PCDH7: variants seen among roughly 807,000 people sequenced by gnomAD.
The protein encoded by PCDH7 is protocadherin-7.
A neutral mutation model predicts 58.9 loss-of-function variants in PCDH7; 17 were observed. The ratio of observed to expected loss-of-function variants is 0.29; its 90% CI spans 0.20 to 0.43. The LOEUF (loss-of-function observed/expected upper bound fraction) is 0.43, where lower values mean the gene tolerates loss of function less well. PCDH7 is among the 20% of genes least tolerant of loss of function. The pLI is 1.00. For synonymous variants in PCDH7, 664 were observed against 616.4 expected (o/e 1.08, Z -1.14); for missense variants, 1,274 against 1,441.0 (o/e 0.88, Z 1.88).
At chr4:30,851,904 C>T (rs1457127212) in intron 1 of PCDH7, among the ~76,000 whole-genome samples, 2 of 152,026 alleles carry the variant, frequency 1.3e-5, no homozygotes, top group Non-Finnish European at 2.9e-5. Context: ...TGCACATATA[C>T]ACACAAAATC....
At chr4:31,116,315 A>C (rs943157493) in intron 3 of PCDH7, among the ~76,000 whole-genome samples, 1 of 152,248 alleles carries the variant, frequency 6.6e-6, no homozygotes, top group African/African-American at 2.4e-5. Context: ...AAAAGGGTCC[A>C]TAAATGCTGT....
intron 1 of PCDH7, among the ~76,000 whole-genome samples, chr4:30,814,087 T>G (rs1437016627): frequency 6.6e-6 from 1 of 152,152 alleles, no homozygotes; most frequent in East Asian, 1.9e-4. Flanking sequence ...ATATCATAAT[T>G]TATTACCTGT....
chr4:31,039,583 G>C (rs1309640452), intron 3 of PCDH7, among the ~76,000 whole-genome samples: 1 of 152,194 alleles, frequency 6.6e-6, no homozygotes, highest in South Asian at 2.1e-4. Flanking sequence ...TAGTCTTGCT[G>C]CCTCTTCTCT....
chr4:30,973,768 A>G (rs918818701), intron 3 of PCDH7, among the ~76,000 whole-genome samples: 2 of 151,954 alleles, frequency 1.3e-5, no homozygotes, highest in African/African-American at 4.8e-5. Flanking sequence ...GAGAGTGAAA[A>G]TTGTATTAGT....
chr4:30,911,010 G>A (rs1007458607), intron 1 of PCDH7, among the ~76,000 whole-genome samples: 3 of 152,096 alleles, frequency 2.0e-5, no homozygotes, highest in African/African-American at 7.2e-5. Flanking sequence ...TGTTTGCATG[G>A]ACATGGATGA....
At chr4:31,146,757 C>A (rs948989797), downstream of PCDH7, 2 of 152,086 alleles carry the variant, frequency 1.3e-5, no homozygotes, top group African/African-American at 2.4e-5. Context: ...AATTGCTTGT[C>A]ATTTTTGTCT....
chr4:30,955,543 T>C (rs1349342042), intron 3 of PCDH7, among the ~76,000 whole-genome samples: 1 of 151,804 alleles, frequency 6.6e-6, no homozygotes, highest in Non-Finnish European at 1.5e-5. Flanking sequence ...TTTATTTCAT[T>C]TTATTTTATT....
intron 1 of PCDH7, among the ~76,000 whole-genome samples, chr4:30,878,575 C>T (rs1736574089): frequency 6.6e-6 from 1 of 152,062 alleles, no homozygotes; most frequent in South Asian, 2.1e-4. Context: ...TTGGATCACT[C>T]ACCCCCAGTC....
At chr4:30,749,781 G>A (rs1445443513) in intron 1 of PCDH7, among the ~76,000 whole-genome samples, 3 of 152,070 alleles carry the variant, frequency 2.0e-5, no homozygotes, top group Non-Finnish European at 2.9e-5. Flanking sequence ...AGGAAGTTTA[G>A]TTTAATAATG....
chr4:31,043,158 T>C (rs1756019150), intron 3 of PCDH7, among the ~76,000 whole-genome samples: 1 of 152,132 alleles, frequency 6.6e-6, no homozygotes, highest in Non-Finnish European at 1.5e-5. Flanking sequence ...ACTGTTACCC[T>C]AGGGATTAAG....
At chr4:30,852,123 A>G (rs1732837696) in intron 1 of PCDH7, among the ~76,000 whole-genome samples, 1 of 152,124 alleles carries the variant, frequency 6.6e-6, no homozygotes, top group Admixed American at 6.6e-5. Context: ...GAAGGATTGT[A>G]ATATAAGCAT....
chr4:31,078,576 C>T lies in PCDH7; in HGVS notation c.*8-63897C>T, dbSNP rs556498638. ...AGCCTCAAGCTATCAAGCAATGCTC[C>T]TGCTTTGGCTCCCAAAGGGCTGGGA... is the stretch of plus-strand genomic sequence containing the variant. On this transcript the variant is annotated intron_variant, in intron 3 of 3. Transcript: ENST00000509759. Among the ~76,000 whole-genome samples the T allele has an allele frequency of 1.1e-4, 17 of 149,070 alleles. No homozygotes were observed. The South Asian group carries it at 3.6e-3, about 32-fold the overall frequency.
intron 3 of PCDH7, among the ~76,000 whole-genome samples, chr4:31,082,431 A>G (rs1339275002): frequency 1.3e-5 from 2 of 152,206 alleles, no homozygotes; most frequent in Non-Finnish European, 2.9e-5. Flanking sequence ...GGTAAAATAA[A>G]GTTTTGGCCA....
chr4:31,142,905 C>A, exon 4 of PCDH7: 4 of 1,247,472 alleles, frequency 3.2e-6, no homozygotes, highest in Non-Finnish European at 4.2e-6. Flanking sequence ...GAATAAGGGG[C>A]AAAAACCTTA....
Position 30,987,721 on chromosome 4 carries a change from C to A in PCDH7, c.*7+37506C>A, listed in dbSNP as rs1201200818. The stretch of plus-strand genomic sequence containing the variant: ...AAAATAAATGTGAATACATTTATTT[C>A]TGATATATTTTTGGAAATATTTTGA... On this transcript the variant is annotated intron_variant, in intron 3 of 3. Transcript: ENST00000509759. The A allele has an allele frequency of 1.3e-4, 19 of 151,740 alleles. 1 individual carries two copies. Among genetic ancestry groups the A allele is most frequent in the Admixed American group, 1.2e-3 (19 of 15,234 alleles). The allele number at this position is 151,740 out of a possible 1,614,324, so 9.4% of individuals were successfully genotyped here. A position where few individuals can be genotyped will look rare whatever the true frequency, so the allele number is the denominator to read the frequency against.
At chr4:31,003,746 A>G (rs900163448) in intron 3 of PCDH7, among the ~76,000 whole-genome samples, 2 of 152,062 alleles carry the variant, frequency 1.3e-5, no homozygotes, top group Non-Finnish European at 2.9e-5. Flanking sequence ...TCTCTACTAA[A>G]AATACAAAAA....
chr4:30,813,547 A>G (rs1294273908), intron 1 of PCDH7, among the ~76,000 whole-genome samples: 1 of 152,232 alleles, frequency 6.6e-6, no homozygotes, highest in Non-Finnish European at 1.5e-5. Flanking sequence ...ATAGTAGTGC[A>G]TCATATAGTG....
At chr4:31,055,373 G>A (rs145819622) in intron 3 of PCDH7, among the ~76,000 whole-genome samples, 37 of 152,008 alleles carry the variant, frequency 2.4e-4, no homozygotes, top group African/African-American at 6.8e-4. Flanking sequence ...TACTCCCTTA[G>A]GCAGTAGTAT....
intron 3 of PCDH7, among the ~76,000 whole-genome samples, chr4:31,030,488 G>T (rs1004426992): frequency 6.6e-6 from 1 of 152,166 alleles, no homozygotes; most frequent in Non-Finnish European, 1.5e-5. Context: ...TCTCCAAATT[G>T]TGTCTTCAGG....
Sources: allele counts gnomAD v4.1 joint callset (sites outside exome capture counted in the v4.1 genomes callset), GRCh38; gene constraint gnomAD v4.1.1; transcripts MANE v1.5; gene names NCBI Gene and HGNC (gene_info 2026-07-23, HGNC 2026-07-21).